Variants in HS2ST1 observed in about 807,000 individuals in gnomAD.
HS2ST1 encodes 2-O-sulfotransferase.
A neutral mutation model predicts 42.9 loss-of-function variants in HS2ST1; 18 were observed. The observed-to-expected ratio is 0.42, with a 90% CI of 0.29 to 0.62. The LOEUF (loss-of-function observed/expected upper bound fraction) is 0.62. HS2ST1 is among the 20% of genes least tolerant of loss of function. The pLI is 0.21. For missense variants in HS2ST1, 334 were observed against 433.8 expected (o/e 0.77, Z 2.04); for synonymous variants, 146 against 152.9 (o/e 0.95, Z 0.33).
intron 1 of HS2ST1, among the ~76,000 whole-genome samples, chr1:86,925,595 G>A (rs767073640): frequency 2.6e-5 from 4 of 152,122 alleles, no homozygotes; most frequent in African/African-American, 4.8e-5. Context: ...TCAGGGGAAC[G>A]CCTCTTTTTA....
Position 86,978,210 on chromosome 1 carries a change from C to T in HS2ST1, c.124+63050C>T, listed in dbSNP as rs945502669. On this transcript the variant is annotated intron_variant, in intron 1 of 6. Coordinates refer to ENST00000370550, the MANE Select transcript of HS2ST1 (RefSeq NM_012262.4). ...CAATGATGAAATCACTGAATAAAGG[C>T]GGTTTTCAGAACATCTATCTGTCAT... is the stretch of plus-strand genomic sequence containing the variant. Among the ~76,000 whole-genome samples the T allele has an allele frequency of 2.0e-5, 3 of 152,124 alleles. No homozygotes were observed. The South Asian group carries it at 6.2e-4, about 32-fold the overall frequency.
intron 1 of HS2ST1, chr1:87,046,382 C>T (rs1322725434): frequency 1.3e-6 from 1 of 773,472 alleles, no homozygotes; most frequent in Non-Finnish European, 2.4e-6. Context: ...CCTGACAGAG[C>T]TGACCCTGAA....
intron 1 of HS2ST1, among the ~76,000 whole-genome samples, chr1:87,066,004 AT>A (rs1651242184): frequency 6.6e-6 from 1 of 152,172 alleles, no homozygotes; most frequent in Non-Finnish European, 1.5e-5. Context: ...GTTACCCATA[AT>A]ATAGAACTAT....
intron 1 of HS2ST1, among the ~76,000 whole-genome samples, chr1:87,052,097 AC>A (rs1396105793): frequency 6.6e-6 from 1 of 152,156 alleles, no homozygotes. Flanking sequence ...TACAAAAAAT[AC>A]AAAAATTAGC....
Position 86,915,144 on chromosome 1 carries a change from G to T in HS2ST1, c.108G>T (p.Glu36Asp), listed in dbSNP as rs775590316. 2 of 1,613,898 alleles carry T rather than the reference G, an allele frequency of 1.2e-6. No individual in the cohort carries two copies. Among genetic ancestry groups the T allele is most frequent in the Middle Eastern group, 1.6e-4 (1 of 6,062 alleles). The change falls in exon 1 of 7, where the codon GAG becomes GAT. Residue 36 changes from glutamate to aspartate, a missense_variant. Coordinates refer to ENST00000370550, the MANE Select transcript of HS2ST1 (RefSeq NM_012262.4). ...AAAACCAGATCCAGAAACTGGAGGAGTCCCGCTCGAAGCTAGGTGAGGAAC... is the reference window on the plus strand; with the variant it reads ...AAAACCAGATCCAGAAACTGGAGGATTCCCGCTCGAAGCTAGGTGAGGAAC... ...FLENQIQKLE[E>D]SRSKLERAIA... is the part of the protein sequence containing the mutation.
At chr1:86,984,906 C>A (rs1438265922) in intron 1 of HS2ST1, among the ~76,000 whole-genome samples, 304 of 117,976 alleles carry the variant, frequency 2.6e-3, no homozygotes, top group African/African-American at 6.1e-3. Flanking sequence ...ATCTCCGTCT[C>A]AAAAAAAAAA....
At chr1:86,927,227 A>G (rs1660440536) in intron 1 of HS2ST1, among the ~76,000 whole-genome samples, 1 of 152,238 alleles carries the variant, frequency 6.6e-6, no homozygotes, top group African/African-American at 2.4e-5. Context: ...AGTTATATTC[A>G]ATATGTTGCA....
intron 5 of HS2ST1, chr1:87,098,275 A>C (rs1652118561): frequency 9.9e-7 from 1 of 1,011,428 alleles, no homozygotes; most frequent in Admixed American, 5.7e-5. Flanking sequence ...TTACTGTTTT[A>C]GCTATTCATG....
At chr1:87,053,254 A>C (rs1422611955) in intron 1 of HS2ST1, among the ~76,000 whole-genome samples, 2 of 152,192 alleles carry the variant, frequency 1.3e-5, no homozygotes, top group African/African-American at 4.8e-5. Context: ...CTTTGTAGAC[A>C]GTTCTGGCAT....
At position 86,963,178 on chromosome 1, in the gene HS2ST1, AATTG is replaced by A. The variant is rs201031791; in HGVS notation, c.124+48021_124+48024del. Among the ~76,000 whole-genome samples the A allele has an allele frequency of 4.8e-3, 698 of 146,508 alleles. 3 individuals carry two copies. Among genetic ancestry groups the A allele is most frequent in the Middle Eastern group, 0.021 (6 of 286 alleles). ...CTTTTTTTTTGTATTTTTTTTTTTT[AATTG>A]ATCATTCTTGGGTGTTTCTCGCATA... On this transcript the variant is annotated intron_variant, in intron 1 of 6. Transcript: ENST00000370550.
At chr1:86,979,149 G>A (rs192511420) in intron 1 of HS2ST1, among the ~76,000 whole-genome samples, 2 of 152,106 alleles carry the variant, frequency 1.3e-5, no homozygotes, top group South Asian at 4.2e-4. Context: ...AGCCACTGCC[G>A]CTGGCTGTGA....
In HS2ST1 at chr1:86,964,791, A is replaced by C. The variant is rs141706109; in HGVS notation, c.124+49631A>C. On this transcript the variant is annotated intron_variant, in intron 1 of 6. Transcript: ENST00000370550. ...GTAAGTGACAGGTGATTCAGTGCCAATCTGAGTTCCTAAAGGTTACACAGT... is the reference window on the plus strand; with the variant it reads ...GTAAGTGACAGGTGATTCAGTGCCACTCTGAGTTCCTAAAGGTTACACAGT... Among the ~76,000 whole-genome samples, 699 of 152,350 alleles carry C rather than the reference A, an allele frequency of 4.6e-3. 4 individuals are homozygous for C. The highest frequency in any genetic ancestry group is 0.02 in the Middle Eastern group (6 of 294).
chr1:87,021,145 A>T (rs922673691), intron 1 of HS2ST1, among the ~76,000 whole-genome samples: 2 of 152,084 alleles, frequency 1.3e-5, no homozygotes, highest in Admixed American at 1.3e-4. Context: ...ATGTTCTTCC[A>T]TTACATATAA....
intron 1 of HS2ST1, among the ~76,000 whole-genome samples, chr1:86,917,440 A>G (rs1376260056): frequency 6.6e-6 from 1 of 151,724 alleles, no homozygotes; most frequent in Non-Finnish European, 1.5e-5. Flanking sequence ...AACCGCTTGA[A>G]CCTGGGAGGC....
At chr1:86,949,233 C>T (rs1316785451) in intron 1 of HS2ST1, among the ~76,000 whole-genome samples, 1 of 152,082 alleles carries the variant, frequency 6.6e-6, no homozygotes, top group Non-Finnish European at 1.5e-5. Flanking sequence ...CTCAGCCTCC[C>T]GAATAGATGG....
At chr1:87,067,468 G>A (rs571787080) in intron 1 of HS2ST1, among the ~76,000 whole-genome samples, 1 of 152,124 alleles carries the variant, frequency 6.6e-6, no homozygotes, top group East Asian at 1.9e-4. Flanking sequence ...CTGGGTATTA[G>A]CCCTTTGTCA....
intron 1 of HS2ST1, among the ~76,000 whole-genome samples, chr1:87,044,677 G>A (rs139203377): frequency 0.01 from 1,533 of 152,294 alleles, 16 homozygotes; most frequent in Non-Finnish European, 0.015. Context: ...CATGCATTGT[G>A]TTGTTTTATC....
intron 1 of HS2ST1, among the ~76,000 whole-genome samples, chr1:87,038,589 T>A (rs1347653364): frequency 6.6e-6 from 1 of 152,184 alleles, no homozygotes; most frequent in African/African-American, 2.4e-5. Flanking sequence ...TGAATTACTG[T>A]ACTGCTTTAA....
chr1:87,034,266 A>G (rs963464957), intron 1 of HS2ST1, among the ~76,000 whole-genome samples: 1 of 152,218 alleles, frequency 6.6e-6, no homozygotes, highest in Non-Finnish European at 1.5e-5. Flanking sequence ...CAAATATAAT[A>G]TTACAAGAGA....
Sources: gnomAD v4.1 joint callset for allele counts (sites outside exome capture counted in the v4.1 genomes callset) on GRCh38, gnomAD v4.1.1 for gene constraint, MANE v1.5 for transcripts, NCBI Gene and HGNC (gene_info 2026-07-23, HGNC 2026-07-21) for gene names.